The following ATP8A1 variants were observed in gnomAD, a reference collection of about 807,000 sequenced individuals.
ATP8A1 encodes phospholipid-transporting ATPase IA.
ATP8A1 carries 90 observed loss-of-function variants against 177.7 expected under a neutral mutation model. The ratio of observed to expected loss-of-function variants is 0.51; its 90% CI spans 0.43 to 0.60. The LOEUF (loss-of-function observed/expected upper bound fraction) is 0.60, where lower values mean the gene tolerates loss of function less well. Ranked by LOEUF, ATP8A1 falls within the 20% of genes least tolerant of loss-of-function variation. The pLI is 0.00. For missense variants in ATP8A1, 1,072 were observed against 1,392.8 expected (o/e 0.77, Z 3.67); for synonymous variants, 493 against 485.9 (o/e 1.01, Z -0.19).
intron 25 of ATP8A1, among the ~76,000 whole-genome samples, chr4:42,482,378 C>G (rs1033254585): frequency 1.3e-5 from 2 of 151,038 alleles, no homozygotes; most frequent in African/African-American, 4.9e-5. Flanking sequence ...TAGACTGATA[C>G]AAACAGGTTT....
At chr4:42,417,080 C>A (rs1713325332) in intron 35 of ATP8A1, among the ~76,000 whole-genome samples, 1 of 152,112 alleles carries the variant, frequency 6.6e-6, no homozygotes, top group African/African-American at 2.4e-5. Context: ...TCCTGTAGAG[C>A]AGAGTCCCTC....
chr4:42,629,582 A>G (rs532753033), intron 1 of ATP8A1, among the ~76,000 whole-genome samples: 1 of 152,154 alleles, frequency 6.6e-6, no homozygotes, highest in Non-Finnish European at 1.5e-5. Flanking sequence ...CCTGAAGCCC[A>G]CTCCCAGAAT....
At chr4:42,556,694 A>G (rs1730274511) in intron 15 of ATP8A1, among the ~76,000 whole-genome samples, 2 of 152,146 alleles carry the variant, frequency 1.3e-5, no homozygotes, top group South Asian at 4.1e-4. Context: ...TATCTCTGCA[A>G]ACTAGCTATC....
intron 25 of ATP8A1, among the ~76,000 whole-genome samples, chr4:42,479,954 G>A (rs1335998860): frequency 2.0e-5 from 3 of 149,534 alleles, no homozygotes; most frequent in Non-Finnish European, 3.0e-5. Flanking sequence ...TCTCCATTAC[G>A]TGTTACCTAC....
chr4:42,513,096 T>C (rs1725179192), intron 22 of ATP8A1, among the ~76,000 whole-genome samples: 1 of 152,192 alleles, frequency 6.6e-6, no homozygotes, highest in African/African-American at 2.4e-5. Flanking sequence ...ACTCCTGATG[T>C]AGAATGCTTG....
intron 24 of ATP8A1, among the ~76,000 whole-genome samples, chr4:42,495,546 C>T (rs1032712442): frequency 5.3e-5 from 8 of 152,054 alleles, no homozygotes; most frequent in South Asian, 2.1e-4. Context: ...CTCTCTTTGA[C>T]GTGGTTCCCC....
chr4:42,593,975 C>G (rs1303516493), intron 6 of ATP8A1, among the ~76,000 whole-genome samples: 2 of 151,830 alleles, frequency 1.3e-5, no homozygotes, highest in East Asian at 3.9e-4. Context: ...GAACCCAATC[C>G]ATGTATTATA....
chr4:42,526,488 C>A (rs1249892155), intron 20 of ATP8A1, among the ~76,000 whole-genome samples: 1 of 152,054 alleles, frequency 6.6e-6, no homozygotes, highest in Non-Finnish European at 1.5e-5. Flanking sequence ...TGGGTGGGCA[C>A]AATCTAGTCA....
intron 33 of ATP8A1, among the ~76,000 whole-genome samples, chr4:42,426,697 C>G (rs1463246556): frequency 6.6e-6 from 1 of 152,128 alleles, no homozygotes; most frequent in Admixed American, 6.5e-5. Context: ...GTGATCTGTC[C>G]CATGAGCTTC....
chr4:42,435,461 A>AAAAAAAAAAAAAAAAAAAAAAAC (rs1553871738), intron 33 of ATP8A1, among the ~76,000 whole-genome samples: 1 of 122,386 alleles, frequency 8.2e-6, no homozygotes, highest in Non-Finnish European at 1.8e-5. Context: ...AAAAAAAAAA[A>AAAAAAAAAAAAAAAAAAAAAAAC]AACAAACTAT....
chr4:42,635,699 T>C (rs188430148), intron 1 of ATP8A1, among the ~76,000 whole-genome samples: 39 of 148,812 alleles, frequency 2.6e-4, no homozygotes, highest in African/African-American at 8.6e-4. Context: ...TTTGTATATA[T>C]TGTTTTGATA....
chr4:42,617,719 A>C (rs1737056025), intron 4 of ATP8A1, among the ~76,000 whole-genome samples: 1 of 152,198 alleles, frequency 6.6e-6, no homozygotes, highest in Non-Finnish European at 1.5e-5. Flanking sequence ...TTCCACTTCA[A>C]AGAGGAAATT....
At chr4:42,552,688 A>T in intron 16 of ATP8A1, 78 bp from the exon 17 acceptor site, 1 of 1,056,768 alleles carries the variant, frequency 9.5e-7, no homozygotes. Flanking sequence ...CTTCATGTCT[A>T]TTAAGAACAT....
intron 24 of ATP8A1, among the ~76,000 whole-genome samples, chr4:42,491,515 C>T (rs1224916001): frequency 6.6e-6 from 1 of 152,098 alleles, no homozygotes; most frequent in East Asian, 1.9e-4. Flanking sequence ...GATAAAAAAA[C>T]AGGCCTATAT....
chr4:42,594,326 C>T, intron 6 of ATP8A1: 2 of 1,604,100 alleles, frequency 1.2e-6, no homozygotes, highest in Non-Finnish European at 1.7e-6. Context: ...GGTATATACT[C>T]TTTGCCTTTT....
At position 42,446,422 on chromosome 4, in the gene ATP8A1, G is replaced by C. The variant is rs543793287; in HGVS notation, c.2958+161C>G. Among the ~76,000 whole-genome samples the C allele has an allele frequency of 2.0e-5, 3 of 152,190 alleles. No homozygotes were observed. In the East Asian group the frequency reaches 5.8e-4, roughly 29 times the overall value. On this transcript the variant is annotated intron_variant, in intron 31 of 36. Transcript: ENST00000381668. ...TCATTATTTGATAAAAATGAAATAA[G>C]ACCCCATTATAAGCCCTGGGTCTTA...
At position 42,625,659 on chromosome 4, in the gene ATP8A1, G is replaced by A. The variant is rs778199278; in HGVS notation, c.219C>T (p.Phe73=). 5 of 1,609,334 alleles carry A rather than the reference G, an allele frequency of 3.1e-6. No homozygotes were observed. The South Asian group carries it at 5.6e-5, about 18-fold the overall frequency. Reference sequence around the variant, plus strand: ...GAAAAAATGAATTAGCAGCTCTTCTGAACTGAGAGTAGAGAAATCTTGGAA... The same window carrying A: ...GAAAAAATGAATTAGCAGCTCTTCTAAACTGAGAGTAGAGAAATCTTGGAA... The part of the protein sequence containing the change: ...TFLPRFLYSQ[F]RRAANSFFLF... The change falls in exon 3 of 37, where the codon TTC becomes TTT. Residue 73 remains phenylalanine (F), a synonymous_variant. Transcript: ENST00000381668.
chr4:42,469,356 G>C (rs551334329), intron 25 of ATP8A1, among the ~76,000 whole-genome samples: 1 of 152,142 alleles, frequency 6.6e-6, no homozygotes, highest in Admixed American at 6.5e-5. Flanking sequence ...ACACACCCAA[G>C]AGCCTCTGGG....
At chr4:42,461,945 A>C (rs1257811098) in intron 27 of ATP8A1, among the ~76,000 whole-genome samples, 1 of 152,210 alleles carries the variant, frequency 6.6e-6, no homozygotes, top group East Asian at 1.9e-4. Flanking sequence ...TTTAGCAAAG[A>C]GACTGGCAGC....
Sources: gnomAD v4.1 joint callset for allele counts (sites outside exome capture counted in the v4.1 genomes callset) on GRCh38, gnomAD v4.1.1 for gene constraint, MANE v1.5 for transcripts, NCBI Gene and HGNC (gene_info 2026-07-23, HGNC 2026-07-21) for gene names.